The following EHBP1L1 variants were observed in gnomAD, a reference collection of about 807,000 sequenced individuals.
The protein encoded by EHBP1L1 is EH domain-binding protein 1-like protein 1.
In EHBP1L1, 122 loss-of-function variants were observed where a neutral mutation model predicts 151.1. The observed-to-expected ratio is 0.81, with a 90% CI of 0.70 to 0.94. EHBP1L1 has a LOEUF of 0.94. Ranked by LOEUF, EHBP1L1 falls within the 40% of genes least tolerant of loss-of-function variation. The probability of loss-of-function intolerance (pLI) is 0.00; values close to 1 mark genes in which losing one functional copy is unlikely to be tolerated. For synonymous variants in EHBP1L1, 878 were observed against 810.1 expected (o/e 1.08, Z -1.42); for missense variants, 1,941 against 1,959.8 (o/e 0.99, Z 0.18).
At chr11:65,590,290 G>C in intron 15 of EHBP1L1, 80 bp downstream of exon 15, 1 of 1,570,686 alleles carries the variant, frequency 6.4e-7, no homozygotes, top group Non-Finnish European at 8.6e-7. Flanking sequence ...CTGACCTTGG[G>C]AGGAGCTGGG....
Position 65,582,333 on chromosome 11 carries a change from C to T in EHBP1L1, c.1661C>T (p.Ser554Phe). Residue 554 changes from serine to phenylalanine, a missense_variant, in exon 9 of 19, where the codon TCC becomes TTC. Ser to Phe is a radical substitution (Grantham distance 155, BLOSUM62 -2). Coordinates refer to ENST00000309295, the MANE Select transcript of EHBP1L1 (RefSeq NM_001099409.3). ...ALLSTAQGAISRGLGGWEAEA... is the reference protein window; with the variant it reads ...ALLSTAQGAIFRGLGGWEAEA... ...TTATCAACTGCCCAGGGGGCAATAT[C>T]CAGGGGTCTGGGAGGCTGGGAGGCA... is the stretch of plus-strand genomic sequence containing the variant. The T allele has an allele frequency of 6.4e-7, 1 of 1,559,084 alleles. No individual in the cohort carries two copies. The highest frequency in any genetic ancestry group is 8.6e-7 in the Non-Finnish European group (1 of 1,157,060).
chr11:65,580,758 C>T (rs559004753), intron 6 of EHBP1L1, among the ~76,000 whole-genome samples: 1 of 152,286 alleles, frequency 6.6e-6, no homozygotes, highest in South Asian at 2.1e-4. Flanking sequence ...CGTACCTGAC[C>T]CAGGACAGCT....
chr11:65,577,887 C>T (rs1018059360), intron 1 of EHBP1L1, among the ~76,000 whole-genome samples: 3 of 152,148 alleles, frequency 2.0e-5, no homozygotes, highest in South Asian at 4.1e-4. Flanking sequence ...TGGCCTCAGA[C>T]GAACAGTGAG....
chr11:65,586,628 G>A (rs186814070), intron 12 of EHBP1L1, among the ~76,000 whole-genome samples: 14 of 152,304 alleles, frequency 9.2e-5, no homozygotes, highest in Non-Finnish European at 8.8e-5. Context: ...GCCATCTCCC[G>A]GAAGGTCCAT....
Position 65,582,537 on chromosome 11 carries a change from T to G in EHBP1L1, c.1865T>G (p.Val622Gly), listed in dbSNP as rs1239131832. The G allele has an allele frequency of 6.2e-7, 1 of 1,613,042 alleles. No individual in the cohort carries two copies. The highest frequency in any genetic ancestry group is 1.7e-5 in the Admixed American group (1 of 59,990). Residue 622 changes from valine (V) to glycine (G), a missense_variant, in exon 9 of 19, where the codon GTT (valine) becomes GGT (glycine). Val to Gly is a moderately radical substitution (Grantham distance 109). Transcript: ENST00000309295. ...AARSRVLESE[V>G]AGTAQCEGLE... is the part of the protein sequence containing the mutation. ...AGATCAAGGGTCCTGGAGTCAGAGG[T>G]TGCTGGGACAGCACAGTGTGAGGGA... is the stretch of plus-strand genomic sequence containing the variant.
At position 65,582,712 on chromosome 11, in the gene EHBP1L1, G is replaced by A. The variant is rs374207395; in HGVS notation, c.2040G>A (p.Glu680=). ...IAETEVLVTQ[E]ISGDLGPLKI... ...AGACTGAGGTACTGGTGACCCAGGA[G>A]ATATCTGGGGATTTAGGGCCACTGA... The change falls in exon 9 of 19, where the codon GAG becomes GAA. Residue 680 remains glutamate, a synonymous_variant. Coordinates refer to ENST00000309295, the MANE Select transcript of EHBP1L1 (RefSeq NM_001099409.3). 62 of 1,613,636 alleles carry A rather than the reference G, an allele frequency of 3.8e-5. 1 individual carries two copies. The East Asian group carries it at 6.0e-4, about 16-fold the overall frequency.
rs1291397481 is a variant in EHBP1L1 at position 65,580,621 on chromosome 11, A to G, written c.634+142A>G. On this transcript the variant is annotated intron_variant, in intron 6 of 18. Coordinates refer to ENST00000309295, the MANE Select transcript of EHBP1L1 (RefSeq NM_001099409.3). ...AGTCCCAACCAACCCAGCAGCCTCA[A>G]TTGTCCCAACCTGGCTGCTGGTCCC... is the stretch of plus-strand genomic sequence containing the variant. The G allele has an allele frequency of 5.3e-6, 6 of 1,138,606 alleles. No individual in the cohort carries two copies. The African/African-American group carries it at 7.8e-5, about 15-fold the overall frequency. The allele number at this position is 1,138,606 out of a possible 1,614,324, so 70.5% of individuals were successfully genotyped here. A position where few individuals can be genotyped will look rare whatever the true frequency, so the allele number is the denominator to read the frequency against.
chr11:65,580,931 G>C (rs780704288), intron 6 of EHBP1L1, 127 bp from the exon 7 acceptor site: 32 of 1,448,916 alleles, frequency 2.2e-5, no homozygotes, highest in Non-Finnish European at 2.9e-5. Context: ...CTCGCAGGCC[G>C]GGGCGGTGCC....
At chr11:65,584,813 G>C in intron 11 of EHBP1L1, 146 bp from the exon 12 acceptor site, 3 of 1,180,668 alleles carry the variant, frequency 2.5e-6, no homozygotes, top group Non-Finnish European at 3.5e-6. Context: ...CCTTGTTGCT[G>C]GATTTCCCTC....
rs1316872957 is a variant in EHBP1L1, at chr11:65,590,558, G to A, written c.4249G>A (p.Ala1417Thr). Residue 1417 changes from alanine to threonine, a missense_variant, in exon 16 of 19, where the codon GCT becomes ACT. Coordinates refer to ENST00000309295, the MANE Select transcript of EHBP1L1 (RefSeq NM_001099409.3). ...GTTCACCCTGGTCAACAAGAAGAAC[G>A]CTCTCATCCGGAGGCAGGACCAGCT... ...EWFTLVNKKN[A>T]LIRRQDQLQL... The A allele has an allele frequency of 1.2e-6, 2 of 1,613,634 alleles. No homozygotes were observed. The highest frequency in any genetic ancestry group is 1.7e-5 in the Admixed American group (1 of 60,014).
rs1232814501 is a variant in EHBP1L1, at chr11:65,576,358, A to G, written c.56A>G (p.Gln19Arg). 6.3e-7 allele frequency: 1 copy of G among 1,599,666 alleles called. No individual in the cohort carries two copies. Among genetic ancestry groups the G allele is most frequent in the South Asian group, 1.1e-5 (1 of 88,740 alleles). Residue 19 changes from glutamine (Q) to arginine (R), a missense_variant, in exon 1 of 19, where the codon CAG becomes CGG. Gln to Arg is a conservative substitution (Grantham distance 43, BLOSUM62 1). Transcript: ENST00000309295. ...QRVGKRAAKF[Q>R]FVACYHELVL... Reference sequence around the variant, plus strand: ...GTGGGCAAGCGGGCGGCCAAGTTCCAGTTCGTGGCCTGTTACCACGAGCTA... The same window carrying G: ...GTGGGCAAGCGGGCGGCCAAGTTCCGGTTCGTGGCCTGTTACCACGAGCTA...
Position 65,582,454 on chromosome 11 carries a change from C to A in EHBP1L1, c.1782C>A (p.Phe594Leu). The A allele has an allele frequency of 6.2e-7, 1 of 1,612,110 alleles. No individual in the cohort carries two copies. Among genetic ancestry groups the A allele is most frequent in the South Asian group, 1.1e-5 (1 of 91,034 alleles). The change falls in exon 9 of 19, where the codon TTC becomes TTA. Residue 594 changes from phenylalanine (F) to leucine (L), a missense_variant. Physicochemically the swap from Phe to Leu is conservative, Grantham distance 22 (BLOSUM62 0). Coordinates refer to ENST00000309295, the MANE Select transcript of EHBP1L1 (RefSeq NM_001099409.3). Reference protein sequence around the residue: ...TQEKEVEGSGFPETRTLEIEI... With the variant: ...TQEKEVEGSGLPETRTLEIEI... The stretch of plus-strand genomic sequence containing the variant: ...AGAAAGAAGTTGAGGGGTCAGGGTT[C>A]CCAGAGACTAGGACACTAGAAATTG...
Position 65,582,626 on chromosome 11 carries a change from G to A in EHBP1L1, c.1954G>A (p.Gly652Arg). 1 of 1,613,586 alleles carries A rather than the reference G, an allele frequency of 6.2e-7. No homozygotes were observed. Among genetic ancestry groups the A allele is most frequent in the South Asian group, 1.1e-5 (1 of 91,084 alleles). Residue 652 changes from glycine to arginine, a missense_variant, in exon 9 of 19, where the codon GGG becomes AGG. Physicochemically the swap from Gly to Arg is moderately radical, Grantham distance 125. Coordinates refer to ENST00000309295, the MANE Select transcript of EHBP1L1 (RefSeq NM_001099409.3). ...ETPGTETEVL[G>R]TQKTEAGGSG... ...CCCAGGGACAGAGACTGAGGTATTGGGGACCCAGAAAACAGAAGCTGGGGG... is the reference window on the plus strand; with the variant it reads ...CCCAGGGACAGAGACTGAGGTATTGAGGACCCAGAAAACAGAAGCTGGGGG...
chr11:65,589,840 A>G lies in EHBP1L1; in HGVS notation c.4003+20A>G. ...CCCCTGGTGAGTAGCAGGAGTGGTG[A>G]CCATCTCAGTTCAGGCTGCTCACAA... On this transcript the variant is annotated intron_variant, in intron 13 of 18. Coordinates refer to ENST00000309295, the MANE Select transcript of EHBP1L1 (RefSeq NM_001099409.3). The G allele has an allele frequency of 1.3e-6, 2 of 1,558,534 alleles. No individual in the cohort carries two copies. Among genetic ancestry groups the G allele is most frequent in the Non-Finnish European group, 1.7e-6 (2 of 1,151,208 alleles).
chr11:65,577,969 G>T (rs1857409061), intron 1 of EHBP1L1, among the ~76,000 whole-genome samples: 1 of 152,194 alleles, frequency 6.6e-6, no homozygotes, highest in Non-Finnish European at 1.5e-5. Flanking sequence ...TTCGCGTGCT[G>T]CCCTGGGCCG....
Position 65,592,388 on chromosome 11 carries a change from C to G in EHBP1L1, c.*86C>G. ...CCTGCGCTGCGGACGACCCGGCCGT[C>G]CCGGAGGCCGCGCGCGTGTCCGCTA... On this transcript the variant is annotated 3_prime_UTR_variant, in exon 19 of 19. Coordinates refer to ENST00000309295, the MANE Select transcript of EHBP1L1 (RefSeq NM_001099409.3). The G allele has an allele frequency of 1.9e-6, 2 of 1,052,604 alleles. No individual in the cohort carries two copies. Among genetic ancestry groups the G allele is most frequent in the South Asian group, 7.7e-5 (2 of 25,886 alleles). The allele number at this position is 1,052,604 out of a possible 1,614,324, so 65.2% of individuals were successfully genotyped here.
At position 65,584,388 on chromosome 11, in the gene EHBP1L1, C is replaced by T. The variant is rs758299186; in HGVS notation, c.3241C>T (p.Pro1081Ser). The T allele has an allele frequency of 1.1e-5, 17 of 1,612,782 alleles. No homozygotes were observed. In the South Asian group the frequency reaches 1.4e-4, roughly 14 times the overall value. The change falls in exon 10 of 19, where the codon CCA (proline) becomes TCA (serine). Residue 1081 changes from proline (P) to serine (S), a missense_variant. Coordinates refer to ENST00000309295, the MANE Select transcript of EHBP1L1 (RefSeq NM_001099409.3). Reference protein sequence around the residue: ...AFCAILHRFYPDKIDYASLDP... With the variant: ...AFCAILHRFYSDKIDYASLDP... ...CTGTGCCATCCTGCACCGATTCTAC[C>T]CAGACAAGATGTGAGCTGCCAGAGG...
rs1272553095 is a variant in EHBP1L1 at position 65,590,106 on chromosome 11, G to A, written c.4079G>A (p.Ser1360Asn). The change falls in exon 15 of 19, where the codon AGT (serine) becomes AAT (asparagine). Residue 1360 changes from serine (S) to asparagine (N), a missense_variant. Ser to Asn is a conservative substitution (Grantham distance 46). Coordinates refer to ENST00000309295, the MANE Select transcript of EHBP1L1 (RefSeq NM_001099409.3). The stretch of plus-strand genomic sequence containing the variant: ...CCCCAGCAACGGTTCCAGGACACAA[G>A]TCAGTACGTGTGTGCAGAGCTGCAG... ...EAGLQRFQDT[S>N]QYVCAELQAL... The A allele has an allele frequency of 1.2e-5, 20 of 1,613,802 alleles. No homozygotes were observed. Among genetic ancestry groups the A allele is most frequent in the Non-Finnish European group, 1.6e-5 (19 of 1,179,850 alleles).
Position 65,584,979 on chromosome 11 carries a change from T to C in EHBP1L1, c.3321T>C (p.Ala1107=), listed in dbSNP as rs1372991306. The C allele has an allele frequency of 3.3e-6, 5 of 1,533,782 alleles. No individual in the cohort carries two copies. In the Admixed American group the frequency reaches 7.9e-5, roughly 24 times the overall value. ...CCTAGGCCTTCGATGGCTTCGCGGC[T>C]CTGGGCGTGTCGCGGCTGCTGGAGC... ...NNKQAFDGFA[A]LGVSRLLEPA... The change falls in exon 12 of 19, where the codon GCT becomes GCC. Residue 1107 remains alanine (A), a synonymous_variant. Coordinates refer to ENST00000309295, the MANE Select transcript of EHBP1L1 (RefSeq NM_001099409.3).
Sources: allele counts gnomAD v4.1 joint callset (sites outside exome capture counted in the v4.1 genomes callset), GRCh38; gene constraint gnomAD v4.1.1; transcripts MANE v1.5; gene names NCBI Gene and HGNC (gene_info 2026-07-23, HGNC 2026-07-21).